NWD2: variants seen among roughly 807,000 people sequenced by gnomAD.
NWD2 encodes NACHT and WD repeat domain-containing protein 2.
Under a neutral mutation model 132.7 loss-of-function variants are expected in NWD2, and 37 were observed. That is an observed-to-expected ratio of 0.28 (90% CI 0.21 to 0.37). The LOEUF is 0.37. NWD2 is among the 10% of genes least tolerant of loss of function. The pLI is 1.00. For synonymous variants in NWD2, 705 were observed against 803.0 expected (o/e 0.88, Z 2.06); for missense variants, 1,592 against 2,122.4 (o/e 0.75, Z 4.91).
intron 1 of NWD2, among the ~76,000 whole-genome samples, chr4:37,266,526 C>T (rs1717755618): frequency 6.6e-6 from 1 of 152,046 alleles, no homozygotes; most frequent in Admixed American, 6.6e-5. Flanking sequence ...GAGAGAAGGA[C>T]TCTGATTGGC....
intron 2 of NWD2, among the ~76,000 whole-genome samples, chr4:37,333,383 G>T (rs1014086842): frequency 6.6e-6 from 1 of 152,172 alleles, no homozygotes; most frequent in Non-Finnish European, 1.5e-5. Flanking sequence ...AGGAAGCTCA[G>T]CACAGAGAGA....
chr4:37,390,958 C>T (rs1720668918), intron 3 of NWD2, among the ~76,000 whole-genome samples: 1 of 152,180 alleles, frequency 6.6e-6, no homozygotes, highest in Non-Finnish European at 1.5e-5. Context: ...AATAAAGTTG[C>T]AGAATTTATC....
chr4:37,248,942 A>G (rs1475506630), intron 1 of NWD2, among the ~76,000 whole-genome samples: 1 of 152,206 alleles, frequency 6.6e-6, no homozygotes, highest in Non-Finnish European at 1.5e-5. Context: ...GTTCTGGGGT[A>G]ACAACCCATG....
intron 3 of NWD2, among the ~76,000 whole-genome samples, chr4:37,407,309 C>G (rs1250799128): frequency 6.7e-6 from 1 of 150,318 alleles, no homozygotes; most frequent in East Asian, 2.0e-4. Context: ...CAAATGACAA[C>G]AGGAGGAGTG....
intron 1 of NWD2, among the ~76,000 whole-genome samples, chr4:37,258,336 T>A (rs559489730): frequency 2.6e-5 from 4 of 152,246 alleles, no homozygotes; most frequent in Non-Finnish European, 4.4e-5. Flanking sequence ...GTAATGGTTA[T>A]TGAAAGCTCA....
In NWD2 at chr4:37,438,962, C is replaced by T. The variant is rs760469448; in HGVS notation, c.868C>T (p.Arg290Trp). Reference sequence around the variant, plus strand: ...AACTGGAACAGAACCGAGGATTATTCGGGACCCAGAAGCCCAAGAGAAGCT... The same window carrying T: ...AACTGGAACAGAACCGAGGATTATTTGGGACCCAGAAGCCCAAGAGAAGCT... ...DITGTEPRII[R>W]DPEAQEKLIK... The change falls in exon 6 of 7, where the codon CGG (arginine) becomes TGG (tryptophan). Residue 290 changes from arginine (R) to tryptophan (W), a missense_variant. This residue lies in a region of NWD2 where 1,071 missense variants were observed against 1,398.0 expected (regional missense o/e 0.77). Coordinates refer to ENST00000309447, the MANE Select transcript of NWD2 (RefSeq NM_001144990.2). The T allele has an allele frequency of 3.8e-5, 59 of 1,551,824 alleles. No individual in the cohort carries two copies. Among genetic ancestry groups the T allele is most frequent in the Non-Finnish European group, 5.0e-5 (57 of 1,147,030 alleles).
At position 37,446,198 on chromosome 4, in the gene NWD2, C is replaced by A. The variant is rs1712629509; in HGVS notation, c.4210C>A (p.Leu1404Met). Residue 1404 changes from leucine to methionine, a missense_variant, in exon 7 of 7, where the codon CTG becomes ATG. Leu to Met is a conservative substitution (Grantham distance 15). Around this residue, in one of 7 missense-constraint regions of NWD2, gnomAD observed 1,071 missense variants for 1,398.0 expected, o/e 0.77. Transcript: ENST00000309447. The surrounding 1 kb of genome is among the most constrained non-coding windows in gnomAD (Gnocchi z 6.7). ...TAACGGGCAGAGAATATCTCAGCTG[C>A]TGATTACACACAATGACCAGTTTGT... ...RINGQRISQL[L>M]ITHNDQFVVS... is the part of the protein sequence containing the mutation. The A allele has an allele frequency of 1.3e-6, 2 of 1,551,564 alleles. No individual in the cohort carries two copies. Among genetic ancestry groups the A allele is most frequent in the Admixed American group, 2.0e-5 (1 of 50,984 alleles).
intron 1 of NWD2, among the ~76,000 whole-genome samples, chr4:37,283,062 A>G (rs1053392559): frequency 3.9e-5 from 6 of 152,174 alleles, no homozygotes; most frequent in Non-Finnish European, 8.8e-5. Context: ...CCCATCTGAC[A>G]TGAGGCTCTG....
At chr4:37,411,986 G>A (rs6854882) in intron 3 of NWD2, among the ~76,000 whole-genome samples, 149,299 of 152,312 alleles carry the variant, frequency 0.98, 73,235 homozygotes, top group Middle Eastern at 1. Flanking sequence ...AATGTATATC[G>A]AAATAATAAG....
intron 3 of NWD2, among the ~76,000 whole-genome samples, chr4:37,371,078 C>CTTTTT (rs11378524): frequency 3.3e-5 from 4 of 121,196 alleles, no homozygotes; most frequent in African/African-American, 6.2e-5. Flanking sequence ...TTTTCTTTTT[C>CTTTTT]TTTTTTTTTT....
chr4:37,349,717 T>C (rs868654675), intron 2 of NWD2, among the ~76,000 whole-genome samples: 2 of 152,234 alleles, frequency 1.3e-5, no homozygotes, highest in South Asian at 4.1e-4. Context: ...ATTTTGGCTT[T>C]TGTTGCCATT....
intron 1 of NWD2, among the ~76,000 whole-genome samples, chr4:37,324,580 A>G (rs1388147234): frequency 2.0e-5 from 3 of 152,214 alleles, no homozygotes; most frequent in Non-Finnish European, 1.5e-5. Flanking sequence ...CATCAGTGCC[A>G]TAACACCGCA....
chr4:37,422,817 C>T (rs1027662657), intron 3 of NWD2, among the ~76,000 whole-genome samples: 13 of 152,186 alleles, frequency 8.5e-5, no homozygotes, highest in African/African-American at 2.9e-4. Context: ...TACATCACTC[C>T]TAATGCCTTG....
chr4:37,287,492 G>C (rs574846236), intron 1 of NWD2, among the ~76,000 whole-genome samples: 12 of 152,216 alleles, frequency 7.9e-5, no homozygotes, highest in African/African-American at 2.9e-4. Context: ...TCCCCAAGAA[G>C]TGTTCCCCAC....
intron 1 of NWD2, among the ~76,000 whole-genome samples, chr4:37,246,265 G>T (rs1296037593): frequency 1.3e-5 from 2 of 152,168 alleles, no homozygotes; most frequent in African/African-American, 4.8e-5. Context: ...AAAACCCAAG[G>T]TTCTGGTTTC....
At chr4:37,314,750 T>A (rs560346591) in intron 1 of NWD2, among the ~76,000 whole-genome samples, 26 of 152,156 alleles carry the variant, frequency 1.7e-4, no homozygotes, top group Non-Finnish European at 3.5e-4. Context: ...TTCTCTCAGT[T>A]TTCTTTTATT....
At chr4:37,272,083 T>G (rs571664165) in intron 1 of NWD2, among the ~76,000 whole-genome samples, 1 of 151,934 alleles carries the variant, frequency 6.6e-6, no homozygotes, top group South Asian at 2.1e-4. Flanking sequence ...TCCTTGATTC[T>G]GTCACTGCAG....
chr4:37,346,102 T>C (rs1210529596), intron 2 of NWD2, among the ~76,000 whole-genome samples: 8 of 148,606 alleles, frequency 5.4e-5, no homozygotes, highest in Admixed American at 5.3e-4. Flanking sequence ...AAAAAAAACC[T>C]ACTACTCCTA....
chr4:37,367,052 A>G (rs1720117542), intron 3 of NWD2, among the ~76,000 whole-genome samples: 1 of 152,194 alleles, frequency 6.6e-6, no homozygotes, highest in Admixed American at 6.5e-5. Context: ...AACATTTGCT[A>G]AAGTGCAAAG....
Sources: allele counts gnomAD v4.1 joint callset (sites outside exome capture counted in the v4.1 genomes callset), GRCh38; gene constraint gnomAD v4.1.1; regional missense constraint gnomAD v4.1.1; non-coding constraint Gnocchi (gnomAD v3.1); transcripts MANE v1.5; gene names NCBI Gene and HGNC (gene_info 2026-07-23, HGNC 2026-07-21).